The following CNTN5 variants were observed in gnomAD, a reference collection of about 807,000 sequenced individuals.
CNTN5 encodes contactin 5, also known as contactin-5.
In CNTN5, 77 loss-of-function variants were observed where a neutral mutation model predicts 129.1. That is an observed-to-expected ratio of 0.60 (90% confidence interval 0.50 to 0.72). CNTN5 has a LOEUF of 0.72. Ranked by LOEUF, CNTN5 falls within the 30% of genes least tolerant of loss-of-function variation. The pLI is 0.00. For synonymous variants in CNTN5, 509 were observed against 465.6 expected (o/e 1.09, Z -1.20); for missense variants, 1,478 against 1,328.8 (o/e 1.11, Z -1.75).
intron 13 of CNTN5, among the ~76,000 whole-genome samples, chr11:100,084,735 C>T (rs1555002397): frequency 6.6e-6 from 1 of 151,994 alleles, no homozygotes; most frequent in Non-Finnish European, 1.5e-5. Context: ...AATACCTATA[C>T]ATTTTAAGAT....
chr11:100,041,405 C>T (rs150343861), intron 9 of CNTN5, among the ~76,000 whole-genome samples: 79 of 152,276 alleles, frequency 5.2e-4, no homozygotes, highest in Non-Finnish European at 8.2e-4. Flanking sequence ...TCCAGGTCTA[C>T]GACAAAGTCT....
chr11:100,249,211 T>C (rs759383055), intron 16 of CNTN5, among the ~76,000 whole-genome samples: 9 of 152,200 alleles, frequency 5.9e-5, no homozygotes, highest in Non-Finnish European at 1.2e-4. Context: ...GATATATATA[T>C]ATGTACACAT....
At chr11:99,081,365 G>A (rs966315077) in intron 1 of CNTN5, among the ~76,000 whole-genome samples, 11 of 152,288 alleles carry the variant, frequency 7.2e-5, no homozygotes, top group African/African-American at 2.6e-4. Flanking sequence ...AGCGTAGGCA[G>A]ATGTGTAGAA....
At chr11:99,564,166 T>G (rs935213462) in intron 3 of CNTN5, among the ~76,000 whole-genome samples, 3 of 152,162 alleles carry the variant, frequency 2.0e-5, no homozygotes, top group Admixed American at 2.0e-4. Context: ...ACTGAAACAT[T>G]GAATCCCTGA....
chr11:99,382,467 A>G (rs1382908710), intron 2 of CNTN5, among the ~76,000 whole-genome samples: 2 of 152,300 alleles, frequency 1.3e-5, no homozygotes, highest in East Asian at 1.9e-4. Context: ...CTACCGCACA[A>G]TTTGACAGCC....
At chr11:99,725,011 G>C (rs1186739929) in intron 3 of CNTN5, among the ~76,000 whole-genome samples, 1 of 152,144 alleles carries the variant, frequency 6.6e-6, no homozygotes, top group Non-Finnish European at 1.5e-5. Flanking sequence ...TTAAGTAGAA[G>C]ACTTGATTGT....
chr11:99,188,495 CAG>C (rs1417050297), intron 1 of CNTN5, among the ~76,000 whole-genome samples: 9 of 151,744 alleles, frequency 5.9e-5, no homozygotes, highest in African/African-American at 2.2e-4. Context: ...TGTATAGAAA[CAG>C]AGAAATTCTC....
At chr11:99,293,488 T>G (rs531824152) in intron 1 of CNTN5, among the ~76,000 whole-genome samples, 1 of 152,262 alleles carries the variant, frequency 6.6e-6, no homozygotes, top group Non-Finnish European at 1.5e-5. Flanking sequence ...AGTTTGAGTA[T>G]ACGTGGTATT....
chr11:99,065,778 G>GA (rs546572946), intron 1 of CNTN5, among the ~76,000 whole-genome samples: 139 of 135,160 alleles, frequency 1.0e-3, no homozygotes, highest in African/African-American at 2.6e-3. Flanking sequence ...AGGAAAAGAA[G>GA]AAAAAAAAAA....
intron 3 of CNTN5, among the ~76,000 whole-genome samples, chr11:99,691,118 T>C (rs1372896439): frequency 6.6e-6 from 1 of 152,078 alleles, no homozygotes; most frequent in Non-Finnish European, 1.5e-5. Flanking sequence ...CATTATTGTT[T>C]CTGATTGTGT....
chr11:99,636,736 T>C (rs1625107), intron 3 of CNTN5, among the ~76,000 whole-genome samples: 56,403 of 151,058 alleles, frequency 0.37, 11,937 homozygotes, highest in Non-Finnish European at 0.49. Flanking sequence ...ATGACTCAGC[T>C]GGGCGCGGTG....
intron 1 of CNTN5, among the ~76,000 whole-genome samples, chr11:99,277,669 C>G (rs1380354030): frequency 6.6e-6 from 1 of 151,632 alleles, no homozygotes; most frequent in Non-Finnish European, 1.5e-5. Flanking sequence ...TTTATAACTC[C>G]TCTAGTCAAA....
chr11:99,612,661 T>C (rs1490499792), intron 3 of CNTN5, among the ~76,000 whole-genome samples: 1 of 152,228 alleles, frequency 6.6e-6, no homozygotes. Context: ...GGTTCTCTAG[T>C]TTCTCAAAAC....
At chr11:99,256,646 A>G (rs537651695) in intron 1 of CNTN5, among the ~76,000 whole-genome samples, 16 of 152,128 alleles carry the variant, frequency 1.1e-4, no homozygotes, top group Middle Eastern at 6.8e-3. Context: ...TCAAAAATAT[A>G]TTTATGCCAA....
chr11:100,173,886 C>A (rs564483055), intron 13 of CNTN5, among the ~76,000 whole-genome samples: 3 of 152,158 alleles, frequency 2.0e-5, no homozygotes, highest in African/African-American at 7.2e-5. Flanking sequence ...CTTTGATACA[C>A]AGAGAAGGAA....
At chr11:100,113,375 TA>T (rs1322726537) in intron 13 of CNTN5, among the ~76,000 whole-genome samples, 1 of 91,222 alleles carries the variant, frequency 1.1e-5, no homozygotes, top group African/African-American at 4.3e-5. Context: ...AGGTCACAAA[TA>T]AACATTTGAA....
chr11:99,093,137 G>A (rs1307809082), intron 1 of CNTN5, among the ~76,000 whole-genome samples: 1 of 152,010 alleles, frequency 6.6e-6, no homozygotes, highest in Admixed American at 6.6e-5. Flanking sequence ...TAATTGACTT[G>A]TGACTTATAG....
chr11:99,357,622 A>G (rs1938772777), intron 2 of CNTN5, among the ~76,000 whole-genome samples: 1 of 152,152 alleles, frequency 6.6e-6, no homozygotes, highest in African/African-American at 2.4e-5. Flanking sequence ...ATGCAAAATA[A>G]GATAATAAAA....
Position 99,479,881 on chromosome 11 carries a change from T to C in CNTN5, c.-70-76264T>C, listed in dbSNP as rs111464892. 1.0e-2 allele frequency among the ~76,000 whole-genome samples: 1,522 copies of C among 152,216 alleles called. 25 individuals are homozygous for C. Among genetic ancestry groups the C allele is most frequent in the African/African-American group, 0.034 (1,421 of 41,574 alleles). On this transcript the variant is annotated intron_variant, in intron 2 of 24. Coordinates refer to ENST00000524871, the MANE Select transcript of CNTN5 (RefSeq NM_014361.4). Reference sequence around the variant, plus strand: ...CATTTAATTTTCACAGCTGTTTATTTTTTTTTGTCCAGTTTAGTTTATTTT... The same window carrying C: ...CATTTAATTTTCACAGCTGTTTATTCTTTTTTGTCCAGTTTAGTTTATTTT...
Sources: gnomAD v4.1 joint callset for allele counts (sites outside exome capture counted in the v4.1 genomes callset) on GRCh38, gnomAD v4.1.1 for gene constraint, MANE v1.5 for transcripts, NCBI Gene and HGNC (gene_info 2026-07-23, HGNC 2026-07-21) for gene names.